The following GLB1L2 variants were observed in gnomAD, a reference collection of about 807,000 sequenced individuals.
GLB1L2 encodes the protein beta-galactosidase-1-like protein 2.
GLB1L2 carries 68 observed loss-of-function variants against 84.1 expected under a neutral mutation model. The ratio of observed to expected loss-of-function variants is 0.81; its 90% CI spans 0.67 to 0.99. The LOEUF is 0.99. Ranked by LOEUF, GLB1L2 falls within the 50% of genes least tolerant of loss-of-function variation. The pLI, the probability that GLB1L2 is intolerant of heterozygous loss-of-function variation, is 0.00. For missense variants in GLB1L2, 762 were observed against 805.6 expected (o/e 0.95, Z 0.66); for synonymous variants, 290 against 318.0 (o/e 0.91, Z 0.94).
At position 134,345,056 on chromosome 11, in the gene GLB1L2, G is replaced by C. The variant is rs1215847074; in HGVS notation, c.376G>C (p.Glu126Gln). The stretch of plus-strand genomic sequence containing the variant: ...TAGGGCCTTCGTCCTGATGGCCGCA[G>C]AGATCGGGCTGTGGGTGATTCTGCG... ...DLEAFVLMAA[E>Q]IGLWVILRPG... The change falls in exon 4 of 19, where the codon GAG (glutamate) becomes CAG (glutamine). Residue 126 changes from glutamate (E) to glutamine (Q), a missense_variant. Glu to Gln is a conservative substitution (Grantham distance 29). Coordinates refer to ENST00000535456, the MANE Select transcript of GLB1L2 (RefSeq NM_001370461.1). The C allele has an allele frequency of 6.2e-7, 1 of 1,613,232 alleles. No homozygotes were observed. The highest frequency in any genetic ancestry group is 8.5e-7 in the Non-Finnish European group (1 of 1,179,466).
intron 6 of GLB1L2, among the ~76,000 whole-genome samples, chr11:134,357,449 C>T (rs1301814143): frequency 6.6e-6 from 1 of 152,246 alleles, no homozygotes; most frequent in Admixed American, 6.5e-5. Flanking sequence ...CCATGCCCAG[C>T]CACGGCCTGG....
intron 14 of GLB1L2, 126 bp from the exon 15 acceptor site, chr11:134,371,626 C>A: frequency 9.1e-7 from 1 of 1,104,934 alleles, no homozygotes; most frequent in Non-Finnish European, 1.4e-6. Context: ...GCGAGTGTGG[C>A]TTTCTGCCCA....
chr11:134,374,538 A>G, intron 17 of GLB1L2, 64 bp from the exon 18 acceptor site: 3 of 1,285,390 alleles, frequency 2.3e-6, no homozygotes, highest in Non-Finnish European at 3.4e-6. Context: ...GCACGCATGC[A>G]TGTCTCCCTC....
intron 1 of GLB1L2, 81 bp from the exon 2 acceptor site, chr11:134,342,673 C>G (rs888887049): frequency 2.4e-5 from 33 of 1,378,978 alleles, no homozygotes; most frequent in Non-Finnish European, 3.1e-5. Flanking sequence ...AGAGAAATGC[C>G]GAGGACCTGC....
At chr11:134,364,794 G>A (rs1006496105) in intron 8 of GLB1L2, 8 of 171,696 alleles carry the variant, frequency 4.7e-5, no homozygotes, top group African/African-American at 1.2e-4. Context: ...AAAGATTATT[G>A]TCATCAGCAA....
chr11:134,339,851 G>A lies in GLB1L2; in HGVS notation c.87-2903G>A, dbSNP rs1486219913. On this transcript the variant is annotated intron_variant, in intron 1 of 18. Transcript: ENST00000535456. The surrounding 1 kb of genome is among the most constrained non-coding windows in gnomAD (Gnocchi z 5.7). Reference sequence around the variant, plus strand: ...ATGAAGACCTGGAAATCTGGTTGGTGGATAGAAGTTGTTGAATTGGGATGC... The same window carrying A: ...ATGAAGACCTGGAAATCTGGTTGGTAGATAGAAGTTGTTGAATTGGGATGC... Among the ~76,000 whole-genome samples, 2 of 152,164 alleles carry A rather than the reference G, an allele frequency of 1.3e-5. No individual in the cohort carries two copies. The highest frequency in any genetic ancestry group is 2.9e-5 in the Non-Finnish European group (2 of 68,030).
At chr11:134,342,506 G>A (rs1250963166) in intron 1 of GLB1L2, among the ~76,000 whole-genome samples, 1 of 152,162 alleles carries the variant, frequency 6.6e-6, no homozygotes, top group African/African-American at 2.4e-5. Flanking sequence ...CTTTCAGCCC[G>A]CCGGCCTCCA....
At position 134,369,982 on chromosome 11, in the gene GLB1L2, C is replaced by T. The variant is rs371190386; in HGVS notation, c.1108+97C>T. Reference sequence around the variant, plus strand: ...CTTCCTTACTGTCCCACCTCGACCCCAGTTGATCTGCGTGCAAGAATATCC... The same window carrying T: ...CTTCCTTACTGTCCCACCTCGACCCTAGTTGATCTGCGTGCAAGAATATCC... On this transcript the variant is annotated intron_variant, in intron 11 of 18. Coordinates refer to ENST00000535456, the MANE Select transcript of GLB1L2 (RefSeq NM_001370461.1). The T allele has an allele frequency of 1.0e-4, 101 of 998,510 alleles. 1 individual carries two copies. The highest frequency in any genetic ancestry group is 5.8e-4 in the East Asian group (24 of 41,044). 61.9% of individuals were successfully genotyped at this position (998,510 alleles called of 1,614,324 possible).
At chr11:134,372,591 G>A (rs1943971439) in intron 15 of GLB1L2, 1 of 152,198 alleles carries the variant, frequency 6.6e-6, no homozygotes, top group South Asian at 2.1e-4. Flanking sequence ...AAATGTGGGT[G>A]GTTTCAGGTA....
At chr11:134,374,019 T>C (rs1943992383) in intron 16 of GLB1L2, 126 bp from the exon 17 acceptor site, 1 of 781,276 alleles carries the variant, frequency 1.3e-6, no homozygotes, top group Admixed American at 2.1e-5. Flanking sequence ...GCTGCCATTC[T>C]GTGTCCTGGT....
chr11:134,342,970 C>A lies in GLB1L2; in HGVS notation c.284+19C>A. 6.3e-7 allele frequency: 1 copy of A among 1,592,174 alleles called. No homozygotes were observed. The highest frequency in any genetic ancestry group is 1.3e-5 in the African/African-American group (1 of 74,280). On this transcript the variant is annotated intron_variant, in intron 2 of 18. Coordinates refer to ENST00000535456, the MANE Select transcript of GLB1L2 (RefSeq NM_001370461.1). ...TCACCACGTAGGTGCTGCCCCTGTC[C>A]CCCCGGAGCCTGGTTCCTAAGCAGG... is the stretch of plus-strand genomic sequence containing the variant.
At chr11:134,373,955 G>A in intron 16 of GLB1L2, 147 bp downstream of exon 16, 1 of 746,734 alleles carries the variant, frequency 1.3e-6, no homozygotes, top group Non-Finnish European at 2.3e-6. Context: ...GTGAGGGGTG[G>A]CACCCGCACT....
chr11:134,332,305 T>G (rs1591606412), intron 1 of GLB1L2, among the ~76,000 whole-genome samples, 158 bp downstream of exon 1: 1 of 152,160 alleles, frequency 6.6e-6, no homozygotes, highest in East Asian at 2.0e-4. Context: ...CGAGTTCCCC[T>G]GCGGCTGCAG....
At chr11:134,349,875 G>T (rs1943602425) in intron 5 of GLB1L2, among the ~76,000 whole-genome samples, 1 of 152,222 alleles carries the variant, frequency 6.6e-6, no homozygotes, top group Non-Finnish European at 1.5e-5. Flanking sequence ...CTTCAAGGCA[G>T]CAGGTTCCCT....
chr11:134,344,610 C>T (rs1464143633), intron 3 of GLB1L2, among the ~76,000 whole-genome samples, 155 bp downstream of exon 3: 4 of 152,256 alleles, frequency 2.6e-5, no homozygotes, highest in Non-Finnish European at 5.9e-5. Context: ...CCCAGACGCT[C>T]CCCAGTCGTG....
intron 9 of GLB1L2, among the ~76,000 whole-genome samples, chr11:134,367,597 AG>A (rs150918185): frequency 0.017 from 2,519 of 152,332 alleles, 56 homozygotes; most frequent in Non-Finnish European, 0.021. Flanking sequence ...CAGAAAATAC[AG>A]AAAAAGTATA....
At chr11:134,374,315 C>T in intron 17 of GLB1L2, 59 bp downstream of exon 17, 1 of 1,358,548 alleles carries the variant, frequency 7.4e-7, no homozygotes, top group Non-Finnish European at 1.1e-6. Flanking sequence ...TTGGAGGGCT[C>T]TGAGCCAAAG....
At chr11:134,364,637 C>T (rs1565440879) in intron 8 of GLB1L2, 2 of 514,642 alleles carry the variant, frequency 3.9e-6, no homozygotes, top group East Asian at 3.2e-5. Flanking sequence ...GAGAGGGGCC[C>T]TTTTGGTGCA....
At chr11:134,373,844 A>G in intron 16 of GLB1L2, 36 bp downstream of exon 16, 1 of 1,423,668 alleles carries the variant, frequency 7.0e-7, no homozygotes, top group Non-Finnish European at 9.9e-7. Flanking sequence ...TTGCACTCAC[A>G]GGTATAGTGC....
Sources: gnomAD v4.1 joint callset for allele counts (sites outside exome capture counted in the v4.1 genomes callset) on GRCh38, gnomAD v4.1.1 for gene constraint, Gnocchi (gnomAD v3.1) non-coding constraint, MANE v1.5 for transcripts, NCBI Gene and HGNC (gene_info 2026-07-23, HGNC 2026-07-21) for gene names.